Variants in RAB3IP observed in about 807,000 individuals in gnomAD.
RAB3IP encodes the protein rab-3A-interacting protein.
Under a neutral mutation model 59.1 loss-of-function variants are expected in RAB3IP, and 36 were observed. The ratio of observed to expected loss-of-function variants is 0.61; its 90% CI spans 0.47 to 0.80. RAB3IP has a LOEUF of 0.80. RAB3IP is among the 30% of genes least tolerant of loss of function. The probability of loss-of-function intolerance (pLI) is 0.00; values close to 1 mark genes in which losing one functional copy is unlikely to be tolerated. For missense variants in RAB3IP, 511 were observed against 536.0 expected, an observed-to-expected ratio of 0.95 and a Z score of 0.46; for synonymous variants, 207 against 191.2, an observed-to-expected ratio of 1.08 and a Z score of -0.68.
intron 3 of RAB3IP, among the ~76,000 whole-genome samples, chr12:69,762,469 G>T (rs186097430): frequency 1.4e-4 from 22 of 152,206 alleles, no homozygotes; most frequent in Admixed American, 4.6e-4. Flanking sequence ...TTTCTTAAAA[G>T]AAAATGAGCT....
chr12:69,816,158 G>C lies in RAB3IP; in HGVS notation c.*712G>C, dbSNP rs937677265. 1 of 152,210 alleles carries C rather than the reference G, an allele frequency of 6.6e-6. No homozygotes were observed. Among genetic ancestry groups the C allele is most frequent in the African/African-American group, 2.4e-5 (1 of 41,456 alleles). 9.4% of individuals were successfully genotyped at this position (152,210 alleles called of 1,614,324 possible). On this transcript the variant is annotated 3_prime_UTR_variant, in exon 11 of 11. Transcript: ENST00000247833. ...TCATTGGAGGGACATAGATGTAAAT[G>C]AGTTTGACGTGTGTCAAAGGGGTTT...
intron 3 of RAB3IP, among the ~76,000 whole-genome samples, chr12:69,762,950 T>G (rs1871598778): frequency 6.6e-6 from 1 of 152,006 alleles, no homozygotes; most frequent in Non-Finnish European, 1.5e-5. Context: ...TAACAAATAT[T>G]TTTTTATGAG....
rs1042755692 is a variant in RAB3IP, at chr12:69,817,339, T to G, written c.*1893T>G. 3 of 152,038 alleles carry G rather than the reference T, an allele frequency of 2.0e-5. No homozygotes were observed. In the South Asian group the frequency reaches 6.2e-4, roughly 32 times the overall value. The allele number at this position is 152,038 out of a possible 1,614,324, so 9.4% of individuals were successfully genotyped here. Reference sequence around the variant, plus strand: ...CAGGATGACGACTTGATGTAGAAACTATATGTGGAATTATAGATTAAAATG... The same window carrying G: ...CAGGATGACGACTTGATGTAGAAACGATATGTGGAATTATAGATTAAAATG... On this transcript the variant is annotated 3_prime_UTR_variant, in exon 11 of 11. Coordinates refer to ENST00000247833, the MANE Select transcript of RAB3IP (RefSeq NM_022456.5).
intron 3 of RAB3IP, among the ~76,000 whole-genome samples, chr12:69,758,500 ACT>A (rs1870587897): frequency 6.6e-6 from 1 of 151,902 alleles, no homozygotes; most frequent in Non-Finnish European, 1.5e-5. Flanking sequence ...TTAACTTATC[ACT>A]CTCTACCTTC....
intron 8 of RAB3IP, among the ~76,000 whole-genome samples, chr12:69,807,418 G>C (rs1339537485): frequency 1.3e-5 from 2 of 148,952 alleles, no homozygotes; most frequent in Admixed American, 6.7e-5. Context: ...TCACCTCCCA[G>C]ACGGGGCGGC....
chr12:69,807,855 C>T (rs1231745802), intron 8 of RAB3IP, among the ~76,000 whole-genome samples: 33 of 150,714 alleles, frequency 2.2e-4, no homozygotes, highest in Non-Finnish European at 4.3e-4. Flanking sequence ...AGGCGCTCCT[C>T]ACCTCCCAGA....
At chr12:69,810,217 G>A (rs528248795) in intron 8 of RAB3IP, among the ~76,000 whole-genome samples, 2 of 152,334 alleles carry the variant, frequency 1.3e-5, no homozygotes, top group South Asian at 2.1e-4. Flanking sequence ...ACAGCAGATA[G>A]TGCTGAACCG....
At chr12:69,768,088 C>T (rs1443708695) in intron 3 of RAB3IP, among the ~76,000 whole-genome samples, 1 of 152,130 alleles carries the variant, frequency 6.6e-6, no homozygotes, top group Non-Finnish European at 1.5e-5. Flanking sequence ...AGCTGGTTCC[C>T]TGAATGTCTG....
chr12:69,818,064 A>AAT lies in RAB3IP; in HGVS notation c.*2619_*2620insTA, dbSNP rs1881324020. 1 of 3,128 alleles carries AAT rather than the reference A, an allele frequency of 3.2e-4. No homozygotes were observed. The highest frequency in any genetic ancestry group is 1.8e-3 in the Non-Finnish European group (1 of 542). The allele number at this position is 3,128 out of a possible 1,614,324, so 0.2% of individuals were successfully genotyped here. A position where few individuals can be genotyped will look rare whatever the true frequency, so the allele number is the denominator to read the frequency against. Reference sequence around the variant, plus strand: ...TCGATTGGTGAAAATGAAGAAACACAAAGTCAAGTTTTGGAGAGGGTTTTA... The same window carrying AAT: ...TCGATTGGTGAAAATGAAGAAACACAATAAGTCAAGTTTTGGAGAGGGTTTTA... On this transcript the variant is annotated 3_prime_UTR_variant, in exon 11 of 11. Transcript: ENST00000247833.
At chr12:69,802,994 T>C (rs1878632557) in intron 8 of RAB3IP, among the ~76,000 whole-genome samples, 1 of 152,138 alleles carries the variant, frequency 6.6e-6, no homozygotes, top group African/African-American at 2.4e-5. Flanking sequence ...ACCCCAAATA[T>C]GGAGAGTTAA....
intron 8 of RAB3IP, among the ~76,000 whole-genome samples, chr12:69,803,492 A>C (rs1041145848): frequency 6.6e-6 from 1 of 151,062 alleles, no homozygotes. Context: ...TTTTTTTTTT[A>C]ATTTTTTTAT....
chr12:69,791,661 GAT>G (rs1252836828), intron 4 of RAB3IP, among the ~76,000 whole-genome samples: 1 of 152,110 alleles, frequency 6.6e-6, no homozygotes, highest in African/African-American at 2.4e-5. Flanking sequence ...AAATACAAAA[GAT>G]AGTAAATGTT....
chr12:69,800,275 C>A lies in RAB3IP; in HGVS notation c.955C>A (p.Pro319Thr). ...TGAGCCCACAATGGACAGGACGTGT[C>A]CTTTCTTAGACAAAATCTACCAGGA... The part of the protein sequence containing the change: ...KDEPTMDRTC[P>T]FLDKIYQEDI... Residue 319 changes from proline to threonine, a missense_variant, in exon 7 of 11, where the codon CCT (proline) becomes ACT (threonine). Transcript: ENST00000247833. 1 of 1,597,974 alleles carries A rather than the reference C, an allele frequency of 6.3e-7. No individual in the cohort carries two copies. The highest frequency in any genetic ancestry group is 8.5e-7 in the Non-Finnish European group (1 of 1,171,314).
chr12:69,772,490 T>C (rs1414525897), intron 3 of RAB3IP, among the ~76,000 whole-genome samples: 5 of 152,206 alleles, frequency 3.3e-5, no homozygotes, highest in Non-Finnish European at 7.4e-5. Context: ...CCTTCCACTC[T>C]GACTGTCTTC....
In RAB3IP at chr12:69,807,387, G is replaced by A. The variant is rs1289159160; in HGVS notation, c.1131-5391G>A. Among the ~76,000 whole-genome samples the A allele has an allele frequency of 3.3e-5, 5 of 149,912 alleles. 2 individuals are homozygous for A. The highest frequency in any genetic ancestry group is 3.3e-4 in the Admixed American group (5 of 15,146). On this transcript the variant is annotated intron_variant, in intron 8 of 10. Coordinates refer to ENST00000247833, the MANE Select transcript of RAB3IP (RefSeq NM_022456.5). ...AGGCGCTTCCCACCTCCCTGACGGG[G>A]CGGCCGGGAAGAGGCGCCCCTCACC...
In RAB3IP at chr12:69,822,913, G is replaced by A; in HGVS notation, c.*7467G>A. On this transcript the variant is annotated 3_prime_UTR_variant, in exon 11 of 11. Transcript: ENST00000247833. ...TCTCTGTACCTGTGCTGTCTTCCAA[G>A]CCATTGCTCATGTTTTAAGAAATAT... 6.6e-6 allele frequency: 1 copy of A among 152,142 alleles called. No individual in the cohort carries two copies. Among genetic ancestry groups the A allele is most frequent in the Non-Finnish European group, 1.5e-5 (1 of 68,042 alleles). 9.4% of individuals were successfully genotyped at this position (152,142 alleles called of 1,614,324 possible). A position where few individuals can be genotyped will look rare whatever the true frequency, so the allele number is the denominator to read the frequency against.
chr12:69,758,756 CTTTTTTTTTTT>C (rs71437121), intron 3 of RAB3IP, among the ~76,000 whole-genome samples: 1,295 of 48,340 alleles, frequency 0.027, 45 homozygotes, highest in Middle Eastern at 0.095. Flanking sequence ...GTGTTCATTC[CTTTTTTTTTTT>C]TTTTTTTTTT....
chr12:69,795,587 G>A (rs1877314933), intron 6 of RAB3IP: 1 of 581,966 alleles, frequency 1.7e-6, no homozygotes. Flanking sequence ...TTTCATTAAG[G>A]GAGGAAACTG....
rs997999527 is a variant in RAB3IP, at chr12:69,821,003, T to G, written c.*5557T>G. On this transcript the variant is annotated 3_prime_UTR_variant, in exon 11 of 11. Coordinates refer to ENST00000247833, the MANE Select transcript of RAB3IP (RefSeq NM_022456.5). ...AAAAAATGTAGAAGAGGACTAAACT[T>G]GATAAAATATTAAAAGAATTGAAAC... 1.3e-5 allele frequency: 2 copies of G among 151,858 alleles called. No individual in the cohort carries two copies. Among genetic ancestry groups the G allele is most frequent in the Non-Finnish European group, 2.9e-5 (2 of 67,986 alleles). The allele number at this position is 151,858 out of a possible 1,614,324, so 9.4% of individuals were successfully genotyped here.
Sources: gnomAD v4.1 joint callset for allele counts (sites outside exome capture counted in the v4.1 genomes callset) on GRCh38, gnomAD v4.1.1 for gene constraint, MANE v1.5 for transcripts, NCBI Gene and HGNC (gene_info 2026-07-23, HGNC 2026-07-21) for gene names.